SMARCA1: variants seen among roughly 807,000 people sequenced by gnomAD.
The protein encoded by SMARCA1 is SNF2 related chromatin remodeling ATPase 1, also known as SWI/SNF-related matrix-associated actin-dependent regulator of chromatin subfamily A member 1.
In SMARCA1, 17 loss-of-function variants were observed where a neutral mutation model predicts 93.6. The observed-to-expected ratio is 0.18, with a 90% CI of 0.12 to 0.27. SMARCA1 has a LOEUF of 0.27. Ranked by LOEUF, SMARCA1 falls within the 10% of genes least tolerant of loss-of-function variation. The pLI is 1.00. For missense variants in SMARCA1, 630 were observed against 819.0 expected, an observed-to-expected ratio of 0.77 and a Z score of 2.82; for synonymous variants, 271 against 271.4, an observed-to-expected ratio of 1.00 and a Z score of 0.01.
intron 9 of SMARCA1, 150 bp from the exon 10 acceptor site, chrX:129,499,991 C>A: frequency 3.3e-6 from 1 of 302,233 alleles, no homozygotes; most frequent in Non-Finnish European, 5.8e-6. Flanking sequence ...TGGTAAAGAA[C>A]CACCAAGTAA....
intron 19 of SMARCA1, among the ~76,000 whole-genome samples, chrX:129,471,868 T>C (rs1178693175): frequency 9.0e-6 from 1 of 111,188 alleles, no homozygotes; most frequent in African/African-American, 3.3e-5. Context: ...ACAGAGAATA[T>C]AAGAGGGAAG....
chrX:129,497,958 T>C lies in SMARCA1; in HGVS notation c.1391A>G (p.Tyr464Cys). Residue 464 changes from tyrosine (Y) to cysteine (C), a missense_variant, in exon 11 of 25, where the codon TAT becomes TGT. This residue lies in a region of SMARCA1 where 382 missense variants were observed against 537.9 expected (regional missense o/e 0.71). Transcript: ENST00000371121. The stretch of plus-strand genomic sequence containing the variant: ...ACCAGGTTCAGCACCATCAAACAGA[T>C]ATGGATGATTACAACACTTTCGAAG... ...MQLRKCCNHP[Y>C]LFDGAEPGPP... The C allele has an allele frequency of 8.3e-7, 1 of 1,202,500 alleles. No individual in the cohort carries two copies.
At chrX:129,470,294 C>G (rs776805084) in intron 20 of SMARCA1, among the ~76,000 whole-genome samples, 2 of 110,304 alleles carry the variant, frequency 1.8e-5, no homozygotes, top group South Asian at 7.6e-4. Flanking sequence ...AAGTAGAACA[C>G]TCGTAAAACT....
intron 23 of SMARCA1, among the ~76,000 whole-genome samples, chrX:129,454,435 G>A (rs1932489864): frequency 8.9e-6 from 1 of 111,907 alleles, no homozygotes; most frequent in African/African-American, 3.3e-5. Context: ...AGCCAAAATT[G>A]ACAAATGAGA....
chrX:129,515,601 C>A, intron 5 of SMARCA1, 86 bp downstream of exon 5: 2 of 603,698 alleles, frequency 3.3e-6, no homozygotes, highest in Non-Finnish European at 5.6e-6. Context: ...CTCCAGGCAT[C>A]AGGGGGGCAG....
At chrX:129,451,772 C>T (rs997932424) in intron 23 of SMARCA1, among the ~76,000 whole-genome samples, 22 of 103,141 alleles carry the variant, frequency 2.1e-4, no homozygotes, top group African/African-American at 7.2e-4. Context: ...GGCACGATCT[C>T]GGCTCACTGC....
intron 9 of SMARCA1, among the ~76,000 whole-genome samples, chrX:129,502,381 G>A (rs1602714370): frequency 9.0e-6 from 1 of 110,614 alleles, no homozygotes; most frequent in East Asian, 2.9e-4. Context: ...GTGGACAAAG[G>A]GTAAAAGAAA....
At chrX:129,455,745 A>C (rs938317183) in intron 23 of SMARCA1, among the ~76,000 whole-genome samples, 2 of 112,383 alleles carry the variant, frequency 1.8e-5, no homozygotes, top group African/African-American at 6.5e-5. Context: ...AGCCTCATCC[A>C]GAGCAAGATC....
At chrX:129,492,129 GA>G in intron 13 of SMARCA1, 36 bp from the exon 14 acceptor site, 2 of 923,268 alleles carry the variant, frequency 2.2e-6, no homozygotes, top group Non-Finnish European at 3.0e-6. Flanking sequence ...AGAAGAAAAA[GA>G]GAAAAATAAA....
intron 14 of SMARCA1, 69 bp from the exon 15 acceptor site, chrX:129,490,261 A>G: frequency 1.4e-6 from 1 of 709,976 alleles, no homozygotes; most frequent in Non-Finnish European, 2.0e-6. Flanking sequence ...CATATGCTAT[A>G]AAATTCTAAA....
In SMARCA1 at chrX:129,491,985, G is replaced by A; in HGVS notation, c.1771C>T (p.Leu591=). ...INLASADVVI[L]YDSDWNPQVD... The stretch of plus-strand genomic sequence containing the variant: ...TGTGGGTTCCAGTCTGAATCATATA[G>A]TATAACCACATCAGCACTTGCCAGG... Residue 591 remains leucine (L), a synonymous_variant, in exon 14 of 25, where the codon CTA becomes TTA. Coordinates refer to ENST00000371121, the MANE Select transcript of SMARCA1 (RefSeq NM_001282874.2). The A allele has an allele frequency of 8.3e-7, 1 of 1,201,904 alleles. No individual in the cohort carries two copies.
chrX:129,469,273 A>G (rs1215169470), intron 20 of SMARCA1, among the ~76,000 whole-genome samples: 2 of 111,636 alleles, frequency 1.8e-5, no homozygotes, highest in Non-Finnish European at 3.8e-5. Flanking sequence ...TCCTACATAA[A>G]TTAAAAGAGA....
intron 19 of SMARCA1, among the ~76,000 whole-genome samples, chrX:129,473,761 C>T (rs768749658): frequency 6.3e-5 from 7 of 111,842 alleles, no homozygotes; most frequent in Non-Finnish European, 1.3e-4. Context: ...AAAACCTAAT[C>T]TATGGAGGGA....
chrX:129,509,960 G>C (rs998698219), intron 6 of SMARCA1, among the ~76,000 whole-genome samples: 1 of 111,801 alleles, frequency 8.9e-6, no homozygotes, highest in Non-Finnish European at 1.9e-5. Context: ...GTTTACAGAA[G>C]ACCAGGAAAA....
At chrX:129,518,878 C>T (rs979051467) in intron 1 of SMARCA1, among the ~76,000 whole-genome samples, 3 of 110,966 alleles carry the variant, frequency 2.7e-5, no homozygotes, top group South Asian at 3.8e-4. Flanking sequence ...CATGGAAATA[C>T]GCCACACTTT....
intron 23 of SMARCA1, among the ~76,000 whole-genome samples, chrX:129,450,120 T>C (rs1201748518): frequency 1.8e-5 from 2 of 112,297 alleles, no homozygotes; most frequent in Non-Finnish European, 3.8e-5. Context: ...AGATGGGGAC[T>C]TGTGACTGTA....
At chrX:129,484,330 A>C (rs1700351343) in intron 17 of SMARCA1, among the ~76,000 whole-genome samples, 1 of 111,757 alleles carries the variant, frequency 8.9e-6, no homozygotes, top group African/African-American at 3.2e-5. Flanking sequence ...TAGAAAGGCA[A>C]TTTCCACCCT....
Position 129,498,381 on chromosome X carries a change from T to C in SMARCA1, c.1278-310A>G, listed in dbSNP as rs911370766. Among the ~76,000 whole-genome samples, 3 of 112,040 alleles carry C rather than the reference T, an allele frequency of 2.7e-5. No homozygotes were observed. In the South Asian group the frequency reaches 1.1e-3, roughly 42 times the overall value. On this transcript the variant is annotated intron_variant, in intron 10 of 24. Coordinates refer to ENST00000371121, the MANE Select transcript of SMARCA1 (RefSeq NM_001282874.2). ...CCTGAATTTGACATCCAACATTTACTTGTTTGAACTAAAAACAATTTCAAT... is the reference window on the plus strand; with the variant it reads ...CCTGAATTTGACATCCAACATTTACCTGTTTGAACTAAAAACAATTTCAAT...
chrX:129,462,415 A>G (rs774414230), intron 23 of SMARCA1, among the ~76,000 whole-genome samples: 100 of 112,022 alleles, frequency 8.9e-4, no homozygotes, highest in African/African-American at 3.1e-3. Context: ...TGAAAGGGGG[A>G]AAGAAGATCA....
Sources: gnomAD v4.1 joint callset for allele counts (sites outside exome capture counted in the v4.1 genomes callset) on GRCh38, gnomAD v4.1.1 for gene constraint, gnomAD v4.1.1 regional missense constraint, MANE v1.5 for transcripts, NCBI Gene and HGNC (gene_info 2026-07-23, HGNC 2026-07-21) for gene names.